COG4: variants seen among roughly 807,000 people sequenced by gnomAD.
COG4 encodes component of oligomeric golgi complex 4, also known as conserved oligomeric Golgi complex subunit 4.
Under a neutral mutation model 95.1 loss-of-function variants are expected in COG4, and 65 were observed. The observed-to-expected ratio is 0.68, with a 90% CI of 0.56 to 0.84. COG4 has a LOEUF of 0.84. Ranked by LOEUF, COG4 falls within the 40% of genes least tolerant of loss-of-function variation. The pLI is 0.00. For synonymous variants in COG4, 421 were observed against 374.8 expected (o/e 1.12, Z -1.42); for missense variants, 1,045 against 989.1 (o/e 1.06, Z -0.76).
chr16:70,513,720 G>T (rs1186682976), intron 4 of COG4, among the ~76,000 whole-genome samples: 1 of 152,156 alleles, frequency 6.6e-6, no homozygotes, highest in Non-Finnish European at 1.5e-5. Flanking sequence ...ACTTAGAACA[G>T]CAAGCAATTT....
rs1273871003 is a variant in COG4, at chr16:70,481,375, ATGG to A, written c.2216_2218del (p.Thr739del). The A allele has an allele frequency of 1.9e-6, 3 of 1,612,740 alleles. No homozygotes were observed. The highest frequency in any genetic ancestry group is 2.5e-6 in the Non-Finnish European group (3 of 1,179,894). ...CCCACCTACCCGCTCCAGATTGAGG[ATGG>A]TGGCCATCTGGGAGAGCCGGGCAAA... On this transcript the variant is annotated inframe_deletion, in exon 18 of 19. Coordinates refer to ENST00000323786, the MANE Select transcript of COG4 (RefSeq NM_015386.3).
chr16:70,503,720 G>A (rs1019282399), intron 8 of COG4, among the ~76,000 whole-genome samples: 1 of 137,016 alleles, frequency 7.3e-6, no homozygotes, highest in Non-Finnish European at 1.5e-5. Context: ...TCAGCCTCCC[G>A]AGTAGCTGGG....
chr16:70,513,854 T>G (rs941928396), intron 4 of COG4, among the ~76,000 whole-genome samples: 2 of 152,196 alleles, frequency 1.3e-5, no homozygotes, highest in Non-Finnish European at 2.9e-5. Flanking sequence ...TAGGGGAGAC[T>G]GCTTTAACAA....
intron 13 of COG4, among the ~76,000 whole-genome samples, chr16:70,487,460 G>A (rs1311793279): frequency 6.6e-6 from 1 of 152,118 alleles, no homozygotes; most frequent in Non-Finnish European, 1.5e-5. Context: ...AGCTGGGCGT[G>A]GTGGCAGGTG....
intron 8 of COG4, among the ~76,000 whole-genome samples, chr16:70,507,629 G>A (rs2049605773): frequency 1.3e-5 from 2 of 152,060 alleles, no homozygotes; most frequent in Non-Finnish European, 2.9e-5. Context: ...GGGAGGCTGA[G>A]GTGGGCGGAT....
At chr16:70,496,534 T>C (rs1336267653) in intron 11 of COG4, 103 bp from the exon 12 acceptor site, 1 of 1,185,720 alleles carries the variant, frequency 8.4e-7, no homozygotes, top group East Asian at 2.4e-5. Context: ...AAGGTGCTCT[T>C]TTAGGGGGAA....
chr16:70,482,650 C>T, intron 15 of COG4, 79 bp downstream of exon 15: 6 of 1,168,066 alleles, frequency 5.1e-6, no homozygotes, highest in Non-Finnish European at 7.7e-6. Context: ...CTAGTCTGTT[C>T]AGATGGCTCT....
intron 12 of COG4, among the ~76,000 whole-genome samples, chr16:70,493,616 G>A (rs1597664706): frequency 6.6e-6 from 1 of 152,334 alleles, no homozygotes; most frequent in Non-Finnish European, 1.5e-5. Flanking sequence ...AAAGGTATTT[G>A]AGAAATAGCA....
chr16:70,500,363 C>CTTTTTT (rs2049422613), intron 9 of COG4, among the ~76,000 whole-genome samples: 2 of 119,166 alleles, frequency 1.7e-5, no homozygotes, highest in African/African-American at 1.1e-4. Context: ...ACATTATATA[C>CTTTTTT]TCTTTTTTTT....
intron 8 of COG4, among the ~76,000 whole-genome samples, chr16:70,501,891 C>T (rs547422703): frequency 1.5e-4 from 23 of 151,584 alleles, no homozygotes; most frequent in Non-Finnish European, 3.4e-4. Context: ...AGGCCAGTCT[C>T]GAACTCCTGG....
intron 10 of COG4, 30 bp downstream of exon 10, chr16:70,497,907 C>T (rs1567730162): frequency 9.9e-6 from 13 of 1,308,878 alleles, no homozygotes; most frequent in Non-Finnish European, 1.4e-5. Flanking sequence ...CCGGAAGCCC[C>T]ATTTCCAAGA....
intron 1 of COG4, among the ~76,000 whole-genome samples, chr16:70,522,153 A>G (rs1014594417): frequency 6.6e-6 from 1 of 151,756 alleles, no homozygotes; most frequent in Non-Finnish European, 1.5e-5. Flanking sequence ...ATGCGTCACC[A>G]CACCCGGCTA....
rs1490666842 is a variant in COG4, at chr16:70,512,374, G to C, written c.603C>G (p.Ala201=). 6.2e-7 allele frequency: 1 copy of C among 1,614,154 alleles called. No homozygotes were observed. Residue 201 remains alanine, a synonymous_variant, in exon 5 of 19, where the codon GCC becomes GCG. Coordinates refer to ENST00000323786, the MANE Select transcript of COG4 (RefSeq NM_015386.3). The stretch of plus-strand genomic sequence containing the variant: ...CAATGGCAAACTTCTCTGCCACAAT[G>C]GCTTTGAGACGTTGCTCAGCTTCCT... ...LLQEAEQRLK[A]IVAEKFAIAT...
At chr16:70,510,717 T>C (rs982885782) in intron 5 of COG4, among the ~76,000 whole-genome samples, 1 of 151,738 alleles carries the variant, frequency 6.6e-6, no homozygotes, top group African/African-American at 2.4e-5. Flanking sequence ...CATTTCTAGG[T>C]CCCAGATGTC....
Position 70,500,822 on chromosome 16 carries a change from G to T in COG4, c.1195+136C>A, listed in dbSNP as rs891589508. The T allele has an allele frequency of 3.0e-6, 3 of 988,822 alleles. No individual in the cohort carries two copies. In the African/African-American group the frequency reaches 4.8e-5, roughly 16 times the overall value. The allele number at this position is 988,822 out of a possible 1,614,324, so 61.3% of individuals were successfully genotyped here. ...CCAGTAAATTTAGATTTCTTCCTGG[G>T]AGTCAATTTGCCTACAGACCACCAG... On this transcript the variant is annotated intron_variant, in intron 9 of 18. Transcript: ENST00000323786.
At position 70,481,041 on chromosome 16, in the gene COG4, C is replaced by T. The variant is rs759235205; in HGVS notation, c.2339G>A (p.Arg780His). The change falls in exon 19 of 19, where the codon CGC becomes CAC. Residue 780 changes from arginine (R) to histidine (H), a missense_variant. Transcript: ENST00000323786. ...GCGCAGCCTCTTGATATCTTCACTG[C>T]GGAAGTCTATCCGCAGGGCCAGCAC... Reference protein sequence around the residue: ...RQVLALRIDFRSEDIKRLRL With the variant: ...RQVLALRIDFHSEDIKRLRL 42 of 1,612,986 alleles carry T rather than the reference C, an allele frequency of 2.6e-5. No individual in the cohort carries two copies. The South Asian group carries it at 2.9e-4, about 11-fold the overall frequency.
In COG4 at chr16:70,520,373, G is replaced by GT. The variant is rs71151189; in HGVS notation, c.172-643dup. Among the ~76,000 whole-genome samples, 14 of 34,950 alleles carry GT rather than the reference G, an allele frequency of 4.0e-4. 1 individual carries two copies. The highest frequency in any genetic ancestry group is 7.6e-4 in the Non-Finnish European group (14 of 18,506). 22.9% of individuals were successfully genotyped at this position (34,950 alleles called of 152,430 possible). On this transcript the variant is annotated intron_variant, in intron 1 of 18. Coordinates refer to ENST00000323786, the MANE Select transcript of COG4 (RefSeq NM_015386.3). ...CAGGAGAATGACATGAACCCGGGGG[G>GT]TGGGGGGGGGGGGGGGCGGAGCTTG... is the stretch of plus-strand genomic sequence containing the variant.
At chr16:70,482,847 G>A (rs769546927) in intron 14 of COG4, 26 bp from the exon 15 acceptor site, 2 of 1,588,012 alleles carry the variant, frequency 1.3e-6, no homozygotes, top group Non-Finnish European at 1.7e-6. Context: ...GTGGAGACAT[G>A]TGACACAGAA....
At chr16:70,516,104 GT>G (rs2151762799) in intron 3 of COG4, 1 of 453,890 alleles carries the variant, frequency 2.2e-6, no homozygotes, top group Admixed American at 2.4e-5. Context: ...GTGATCATGT[GT>G]TTTTTGTCCT....
Sources: gnomAD v4.1 joint callset for allele counts (sites outside exome capture counted in the v4.1 genomes callset) on GRCh38, gnomAD v4.1.1 for gene constraint, MANE v1.5 for transcripts, NCBI Gene and HGNC (gene_info 2026-07-23, HGNC 2026-07-21) for gene names.